Variants in CACNA1B observed in about 807,000 individuals in gnomAD.
CACNA1B encodes the protein voltage-dependent N-type calcium channel subunit alpha-1B.
A neutral mutation model predicts 247.2 loss-of-function variants in CACNA1B; 70 were observed. The ratio of observed to expected loss-of-function variants is 0.28; its 90% CI spans 0.23 to 0.35. The LOEUF (loss-of-function observed/expected upper bound fraction) is 0.35, where lower values mean the gene tolerates loss of function less well. Among genes scored for constraint, CACNA1B ranks in the 10% least tolerant of loss-of-function variants. The pLI is 1.00. For synonymous variants in CACNA1B, 1,231 were observed against 1,294.4 expected (o/e 0.95, Z 1.05); for missense variants, 2,367 against 3,197.4 (o/e 0.74, Z 6.26).
chr9:138,121,886 C>T lies in CACNA1B; in HGVS notation c.6907C>T (p.Gln2303Ter). ...RTSYVSSLTS[Q>*]SHPLRRVPNG... ...TTCCTACGTGTCCTCCCTGACCTCC[C>T]AGTCTCACCCTCTCCGCCGCGTGCC... Residue 2303 changes from glutamine (Q) to a stop codon, truncating the protein, a stop_gained, in exon 47 of 47, where the codon CAG becomes TAG. Coordinates refer to ENST00000371372, the MANE Select transcript of CACNA1B (RefSeq NM_000718.4). LOFTEE classifies it high-confidence loss of function. This position sits in a 1 kb window ranked among gnomAD's most constrained non-coding sequence, Gnocchi z 6.8. The T allele has an allele frequency of 6.2e-7, 1 of 1,613,050 alleles. No individual in the cohort carries two copies. The highest frequency in any genetic ancestry group is 8.5e-7 in the Non-Finnish European group (1 of 1,179,860).
chr9:138,073,156 G>A lies in CACNA1B; in HGVS notation c.4675-332G>A, dbSNP rs1357644220. Among the ~76,000 whole-genome samples the A allele has an allele frequency of 6.6e-6, 1 of 152,196 alleles. No homozygotes were observed. The highest frequency in any genetic ancestry group is 2.4e-5 in the African/African-American group (1 of 41,458). On this transcript the variant is annotated intron_variant, in intron 32 of 46. Coordinates refer to ENST00000371372, the MANE Select transcript of CACNA1B (RefSeq NM_000718.4). The surrounding 1 kb of genome is among the most constrained non-coding windows in gnomAD (Gnocchi z 6.4). ...GTCACTGCTGGAGGCCCAGCCACAGGTGATCTCCCAGCTCACCTGGCAGCA... is the reference window on the plus strand; with the variant it reads ...GTCACTGCTGGAGGCCCAGCCACAGATGATCTCCCAGCTCACCTGGCAGCA...
At chr9:138,055,097 T>A (rs1424103688) in intron 26 of CACNA1B, among the ~76,000 whole-genome samples, 3 of 152,080 alleles carry the variant, frequency 2.0e-5, no homozygotes, top group South Asian at 2.1e-4. Flanking sequence ...TTTAATGGTG[T>A]CTTTTAAAAA....
intron 6 of CACNA1B, among the ~76,000 whole-genome samples, chr9:137,937,947 CAAAAAAAAAAA>C (rs57680122): frequency 1.6e-3 from 35 of 21,924 alleles, no homozygotes; most frequent in African/African-American, 3.6e-3. Context: ...AACTCTGTCT[CAAAAAAAAAAA>C]AAAAAAAAAA....
rs1378038787 is a variant in CACNA1B at position 138,121,129 on chromosome 9, C to T, written c.6489+248C>T. Among the ~76,000 whole-genome samples the T allele has an allele frequency of 2.6e-5, 4 of 152,296 alleles. No homozygotes were observed. The highest frequency in any genetic ancestry group is 9.6e-5 in the African/African-American group (4 of 41,554). ...AGTGGTTCTGCGTCCTATCCACTTT[C>T]GGACCTGGGCCCCCAAATACTTACC... On this transcript the variant is annotated intron_variant, in intron 46 of 46. Coordinates refer to ENST00000371372, the MANE Select transcript of CACNA1B (RefSeq NM_000718.4). This position sits in a 1 kb window ranked among gnomAD's most constrained non-coding sequence, Gnocchi z 6.8.
intron 12 of CACNA1B, among the ~76,000 whole-genome samples, chr9:137,976,432 T>G (rs969841851): frequency 1.3e-5 from 2 of 152,228 alleles, no homozygotes; most frequent in Non-Finnish European, 2.9e-5. Context: ...TGGGGCACGA[T>G]AGGCCATGAT....
chr9:137,970,747 G>A (rs915235041), intron 10 of CACNA1B, among the ~76,000 whole-genome samples: 4 of 152,220 alleles, frequency 2.6e-5, no homozygotes, highest in African/African-American at 9.7e-5. Flanking sequence ...CAGGACTGGT[G>A]TGCGTGGACA....
chr9:137,929,374 C>A (rs1429820949), intron 6 of CACNA1B, among the ~76,000 whole-genome samples: 1 of 151,524 alleles, frequency 6.6e-6, no homozygotes, highest in Non-Finnish European at 1.5e-5. Context: ...GGCACCATAG[C>A]AAGACCCTGT....
intron 13 of CACNA1B, among the ~76,000 whole-genome samples, chr9:137,985,105 G>A (rs543333017): frequency 6.6e-5 from 10 of 152,330 alleles, no homozygotes; most frequent in South Asian, 6.2e-4. Context: ...CACTGAGCCC[G>A]TGCAGTGCCA....
In CACNA1B at chr9:137,931,237, G is replaced by A. The variant is rs144152437; in HGVS notation, c.966+13806G>A. On this transcript the variant is annotated intron_variant, in intron 6 of 46. Coordinates refer to ENST00000371372, the MANE Select transcript of CACNA1B (RefSeq NM_000718.4). ...CATTCCATAGTGTGGGATCGGGCTCGCGTAAACGGCTCAAGAGCCCTGGTT... is the reference window on the plus strand; with the variant it reads ...CATTCCATAGTGTGGGATCGGGCTCACGTAAACGGCTCAAGAGCCCTGGTT... 1.3e-3 allele frequency among the ~76,000 whole-genome samples: 190 copies of A among 151,666 alleles called. 1 individual carries two copies. The Middle Eastern group carries it at 0.02, about 16-fold the overall frequency.
At chr9:137,989,617 C>G (rs1409475171) in intron 15 of CACNA1B, among the ~76,000 whole-genome samples, 1 of 152,142 alleles carries the variant, frequency 6.6e-6, no homozygotes, top group Non-Finnish European at 1.5e-5. Flanking sequence ...CTTAGGAGCA[C>G]AGATGCCAGA....
At chr9:137,994,017 T>C (rs975955018) in intron 15 of CACNA1B, among the ~76,000 whole-genome samples, 1 of 152,220 alleles carries the variant, frequency 6.6e-6, no homozygotes, top group Non-Finnish European at 1.5e-5. Context: ...GTGGGTTTCA[T>C]ATCAGGGATG....
intron 3 of CACNA1B, among the ~76,000 whole-genome samples, chr9:137,893,511 C>A (rs1214753331): frequency 1.3e-5 from 2 of 151,394 alleles, no homozygotes; most frequent in African/African-American, 4.9e-5. Flanking sequence ...ATGAGCCGGG[C>A]AAGGTGGCAC....
chr9:137,926,569 A>C (rs1957553787), intron 6 of CACNA1B, among the ~76,000 whole-genome samples: 1 of 152,232 alleles, frequency 6.6e-6, no homozygotes, highest in Non-Finnish European at 1.5e-5. Context: ...TTGAGGGATC[A>C]TATGATAATT....
intron 20 of CACNA1B, among the ~76,000 whole-genome samples, chr9:138,038,779 C>G (rs997428425): frequency 6.6e-6 from 1 of 152,232 alleles, no homozygotes; most frequent in African/African-American, 2.4e-5. Flanking sequence ...TCTGTAGAAC[C>G]TGACTGGAGA....
At chr9:137,978,121 C>T in intron 12 of CACNA1B, among the ~76,000 whole-genome samples, 1 of 143,600 alleles carries the variant, frequency 7.0e-6, no homozygotes, top group Non-Finnish European at 1.5e-5. Flanking sequence ...AGCACTGCCC[C>T]CTCCCCAGGA....
intron 3 of CACNA1B, among the ~76,000 whole-genome samples, chr9:137,886,437 C>T (rs1450123412): frequency 6.6e-6 from 1 of 152,116 alleles, no homozygotes; most frequent in Non-Finnish European, 1.5e-5. Context: ...GCTCAGCTCT[C>T]TGGCCCTGTG....
At position 137,888,601 on chromosome 9, in the gene CACNA1B, T is replaced by A. The variant is rs1957051337; in HGVS notation, c.530+5718T>A. On this transcript the variant is annotated intron_variant, in intron 3 of 46. Coordinates refer to ENST00000371372, the MANE Select transcript of CACNA1B (RefSeq NM_000718.4). The surrounding 1 kb of genome is among the most constrained non-coding windows in gnomAD (Gnocchi z 4.7). The stretch of plus-strand genomic sequence containing the variant: ...CTTCTTGTTTTAGTCTAAATTAAAC[T>A]GGGATTTCTTTCCAGGACATGTAAT... Among the ~76,000 whole-genome samples, 1 of 152,208 alleles carries A rather than the reference T, an allele frequency of 6.6e-6. No individual in the cohort carries two copies.
At position 138,000,333 on chromosome 9, in the gene CACNA1B, C is replaced by T. The variant is rs988851271; in HGVS notation, c.1975-6434C>T. Reference sequence around the variant, plus strand: ...CAGGATGGTCTCGATCTCCTGACCTCGTGATCAGCCCGCCTTGGCCTCCCA... The same window carrying T: ...CAGGATGGTCTCGATCTCCTGACCTTGTGATCAGCCCGCCTTGGCCTCCCA... On this transcript the variant is annotated intron_variant, in intron 15 of 46. Transcript: ENST00000371372. Among the ~76,000 whole-genome samples, 27 of 151,928 alleles carry T rather than the reference C, an allele frequency of 1.8e-4. 1 individual carries two copies. The highest frequency in any genetic ancestry group is 1.0e-3 in the South Asian group (5 of 4,814).
rs757009018 is a variant in CACNA1B, at chr9:138,059,160, G to A, written c.4555G>A (p.Val1519Met). ...CACATCCATGTTCTCCATGGAATGC[G>A]TGCTGAAGATCATCGCCTTTGGGGT... ...VFTSMFSMECVLKIIAFGVLN... is the reference protein window; with the variant it reads ...VFTSMFSMECMLKIIAFGVLN... The change falls in exon 30 of 47, where the codon GTG (valine) becomes ATG (methionine). Residue 1519 changes from valine to methionine, a missense_variant. Physicochemically the swap from Val to Met is conservative, Grantham distance 21. Around this residue, in one of 12 missense-constraint regions of CACNA1B, gnomAD observed 436 missense variants for 679.5 expected, o/e 0.64. Coordinates refer to ENST00000371372, the MANE Select transcript of CACNA1B (RefSeq NM_000718.4). The surrounding 1 kb of genome is among the most constrained non-coding windows in gnomAD (Gnocchi z 4.2). The A allele has an allele frequency of 8.7e-6, 14 of 1,610,234 alleles. No homozygotes were observed. In the African/African-American group the frequency reaches 9.4e-5, roughly 11 times the overall value.
Sources: gnomAD v4.1 joint callset for allele counts (sites outside exome capture counted in the v4.1 genomes callset) on GRCh38, gnomAD v4.1.1 for gene constraint, gnomAD v4.1.1 regional missense constraint, Gnocchi (gnomAD v3.1) non-coding constraint, MANE v1.5 for transcripts, NCBI Gene and HGNC (gene_info 2026-07-23, HGNC 2026-07-21) for gene names.